Variants in LINGO2 observed in about 807,000 individuals in gnomAD.
LINGO2 encodes leucine rich repeat and Ig domain containing 2, also known as leucine-rich repeat and immunoglobulin-like domain-containing nogo receptor-interacting protein 2.
LINGO2 carries 14 observed loss-of-function variants against 30.6 expected under a neutral mutation model. The ratio of observed to expected loss-of-function variants is 0.46; its 90% CI spans 0.30 to 0.72. The LOEUF is 0.72. Among genes scored for constraint, LINGO2 ranks in the 30% least tolerant of loss-of-function variants. The probability of loss-of-function intolerance (pLI) is 0.07; values close to 1 mark genes in which losing one functional copy is unlikely to be tolerated. For synonymous variants in LINGO2, 317 were observed against 288.5 expected (o/e 1.10, Z -1.00); for missense variants, 729 against 751.7 (o/e 0.97, Z 0.35).
At chr9:27,995,148 G>C (rs1587642137) in intron 5 of LINGO2, among the ~76,000 whole-genome samples, 1 of 152,024 alleles carries the variant, frequency 6.6e-6, no homozygotes, top group African/African-American at 2.4e-5. Context: ...CGAAGAAATG[G>C]ATAAATTCTT....
intron 5 of LINGO2, among the ~76,000 whole-genome samples, chr9:27,966,322 C>T (rs1820098596): frequency 6.6e-6 from 1 of 152,114 alleles, no homozygotes; most frequent in South Asian, 2.1e-4. Context: ...TTAAGTTCCT[C>T]TAAAGATACA....
the LINGO2 span, among the ~76,000 whole-genome samples, chr9:29,131,849 C>G: frequency 6.6e-5 from 10 of 151,420 alleles, no homozygotes; most frequent in East Asian, 1.7e-3. Flanking sequence ...TAAGTACTGT[C>G]AAGGTAAGCC....
chr9:28,680,997 T>C, the LINGO2 span, among the ~76,000 whole-genome samples: 1 of 152,136 alleles, frequency 6.6e-6, no homozygotes, highest in Admixed American at 6.6e-5. Flanking sequence ...CTTTAGGGAT[T>C]ATATCTTAAA....
At chr9:29,205,620 G>T in the LINGO2 span, among the ~76,000 whole-genome samples, 1 of 152,040 alleles carries the variant, frequency 6.6e-6, no homozygotes, top group Non-Finnish European at 1.5e-5. Flanking sequence ...TATAGATCTG[G>T]TATTATTTCT....
intron 5 of LINGO2, among the ~76,000 whole-genome samples, chr9:27,964,209 G>A (rs1819986854): frequency 6.6e-6 from 1 of 152,066 alleles, no homozygotes; most frequent in East Asian, 1.9e-4. Context: ...CAAAATGAAA[G>A]CCAGACTTGG....
At chr9:29,197,186 T>C in the LINGO2 span, among the ~76,000 whole-genome samples, 3 of 152,038 alleles carry the variant, frequency 2.0e-5, no homozygotes, top group Admixed American at 6.6e-5. Context: ...TTCAGAAATG[T>C]ATAGCTTAAA....
chr9:28,151,178 T>A (rs1827989979), intron 4 of LINGO2, among the ~76,000 whole-genome samples: 1 of 152,166 alleles, frequency 6.6e-6, no homozygotes, highest in Non-Finnish European at 1.5e-5. Context: ...TAATAACATA[T>A]TATGACCAAG....
intron 3 of LINGO2, among the ~76,000 whole-genome samples, chr9:28,335,551 C>A (rs62555410): frequency 0.17 from 26,238 of 152,154 alleles, 2,979 homozygotes; most frequent in Non-Finnish European, 0.25. Context: ...GTGCACATTG[C>A]TCTGGGGTTT....
intron 2 of LINGO2, among the ~76,000 whole-genome samples, chr9:28,413,591 T>G (rs1367866148): frequency 6.6e-6 from 1 of 152,050 alleles, no homozygotes; most frequent in East Asian, 1.9e-4. Context: ...TGGAAGAGAC[T>G]CTTACTGTCA....
intron 5 of LINGO2, among the ~76,000 whole-genome samples, chr9:28,008,883 ACTG>A (rs1278399283): frequency 1.2e-4 from 18 of 152,284 alleles, no homozygotes; most frequent in Non-Finnish European, 1.9e-4. Flanking sequence ...CAAAATCATG[ACTG>A]CTTTTTGTTT....
the LINGO2 span, among the ~76,000 whole-genome samples, chr9:28,960,239 C>T: frequency 6.6e-6 from 1 of 152,092 alleles, no homozygotes; most frequent in Admixed American, 6.6e-5. Context: ...AATTAGAACA[C>T]CTATAATCAC....
intron 4 of LINGO2, among the ~76,000 whole-genome samples, chr9:28,249,189 C>T (rs1822109048): frequency 6.6e-6 from 1 of 152,062 alleles, no homozygotes; most frequent in African/African-American, 2.4e-5. Context: ...ATATATATTC[C>T]TAAATTTATT....
the LINGO2 span, among the ~76,000 whole-genome samples, chr9:29,151,291 T>A: frequency 6.6e-6 from 1 of 151,932 alleles, no homozygotes; most frequent in South Asian, 2.1e-4. Context: ...TGATAACTGC[T>A]CCCACAAAAC....
At chr9:28,848,269 A>T in the LINGO2 span, among the ~76,000 whole-genome samples, 1 of 99,078 alleles carries the variant, frequency 1.0e-5, no homozygotes, top group Admixed American at 1.1e-4. Flanking sequence ...TAGTGTATAT[A>T]TACTATATAT....
At chr9:28,345,272 A>AT (rs954610460) in intron 3 of LINGO2, among the ~76,000 whole-genome samples, 4 of 152,112 alleles carry the variant, frequency 2.6e-5, no homozygotes, top group Non-Finnish European at 4.4e-5. Context: ...TAATTCATAT[A>AT]TTTTTTTCAA....
At chr9:28,939,408 T>C in the LINGO2 span, among the ~76,000 whole-genome samples, 1 of 152,180 alleles carries the variant, frequency 6.6e-6, no homozygotes, top group East Asian at 1.9e-4. Context: ...TGCCACTTTC[T>C]TTCATACCCT....
At chr9:28,215,071 C>G (rs1820717811) in intron 4 of LINGO2, among the ~76,000 whole-genome samples, 1 of 151,464 alleles carries the variant, frequency 6.6e-6, no homozygotes, top group African/African-American at 2.4e-5. Context: ...GGTTTATTGG[C>G]CATAAACAAG....
At chr9:28,765,010 G>GA in the LINGO2 span, among the ~76,000 whole-genome samples, 1 of 151,828 alleles carries the variant, frequency 6.6e-6, no homozygotes, top group African/African-American at 2.4e-5. Context: ...ACAAATAAAT[G>GA]AAAAGATATC....
chr9:28,088,940 A>T (rs1825994177), intron 4 of LINGO2, among the ~76,000 whole-genome samples: 2 of 152,202 alleles, frequency 1.3e-5, no homozygotes, highest in African/African-American at 2.4e-5. Context: ...ACAGACTTTA[A>T]ACCAACAAAG....
Sources: gnomAD v4.1 joint callset for allele counts (sites outside exome capture counted in the v4.1 genomes callset) on GRCh38, gnomAD v4.1.1 for gene constraint, MANE v1.5 for transcripts, NCBI Gene and HGNC (gene_info 2026-07-23, HGNC 2026-07-21) for gene names.